The following DSCAML1 variants were observed in gnomAD, a reference collection of about 807,000 sequenced individuals.
The protein encoded by DSCAML1 is DS cell adhesion molecule like 1.
Under a neutral mutation model 200.5 loss-of-function variants are expected in DSCAML1, and 38 were observed. The ratio of observed to expected loss-of-function variants is 0.19; its 90% CI spans 0.15 to 0.25. The LOEUF (loss-of-function observed/expected upper bound fraction) is 0.25, where lower values mean the gene tolerates loss of function less well. Ranked by LOEUF, DSCAML1 falls within the 10% of genes least tolerant of loss-of-function variation. The pLI is 1.00. For synonymous variants in DSCAML1, 1,215 were observed against 1,165.0 expected, an observed-to-expected ratio of 1.04 and a Z score of -0.87; for missense variants, 2,223 against 2,858.8, an observed-to-expected ratio of 0.78 and a Z score of 5.07.
intron 14 of DSCAML1, among the ~76,000 whole-genome samples, chr11:117,473,818 T>C (rs942105915): frequency 6.6e-6 from 1 of 152,242 alleles, no homozygotes; most frequent in African/African-American, 2.4e-5. Context: ...CACTTTGTGG[T>C]TGGCAGGTTA....
chr11:117,467,193 A>ACCCCCCCCCCCCCCCCCCCCCCCCCCC (rs757481843), intron 16 of DSCAML1, among the ~76,000 whole-genome samples: 1 of 109,516 alleles, frequency 9.1e-6, no homozygotes, highest in South Asian at 2.9e-4. Context: ...GTGCACACAC[A>ACCCCCCCCCCCCCCCCCCCCCCCCCCC]CCTCCCCCCT....
chr11:117,702,784 GACATCA>G (rs1328632858), intron 3 of DSCAML1, among the ~76,000 whole-genome samples: 1 of 152,128 alleles, frequency 6.6e-6, no homozygotes, highest in African/African-American at 2.4e-5. Context: ...CAACTGTTGA[GACATCA>G]ACATCAACAG....
chr11:117,581,394 G>T (rs1160288606), intron 3 of DSCAML1, among the ~76,000 whole-genome samples: 1 of 152,168 alleles, frequency 6.6e-6, no homozygotes, highest in Middle Eastern at 3.4e-3. Flanking sequence ...TACCACCACC[G>T]CAATCAAGAT....
At chr11:117,464,770 C>G (rs1236807654) in intron 17 of DSCAML1, among the ~76,000 whole-genome samples, 172 bp downstream of exon 17, 1 of 152,214 alleles carries the variant, frequency 6.6e-6, no homozygotes, top group Non-Finnish European at 1.5e-5. Context: ...CCATACATCT[C>G]TGGAGGAGCT....
chr11:117,555,914 CA>C lies in DSCAML1; in HGVS notation c.512-23393del, dbSNP rs577282274. 8.3e-5 allele frequency among the ~76,000 whole-genome samples: 11 copies of C among 132,026 alleles called. No individual in the cohort carries two copies. In the East Asian group the frequency reaches 2.0e-3, roughly 24 times the overall value. 86.6% of individuals were successfully genotyped at this position (132,026 alleles called of 152,430 possible). A position where few individuals can be genotyped will look rare whatever the true frequency, so the allele number is the denominator to read the frequency against. On this transcript the variant is annotated intron_variant, in intron 3 of 32. Coordinates refer to ENST00000651296, the MANE Select transcript of DSCAML1 (RefSeq NM_020693.4). ...TGGAGTGAGGTTGGCAGCAGGAAGC[CA>C]GGGGGGAGCTTATTCCAAGGGTCCT...
At chr11:117,699,927 A>C (rs1265556861) in intron 3 of DSCAML1, among the ~76,000 whole-genome samples, 1 of 152,240 alleles carries the variant, frequency 6.6e-6, no homozygotes, top group Non-Finnish European at 1.5e-5. Flanking sequence ...AATGATCATC[A>C]AAACAGGGGC....
At chr11:117,555,791 G>A (rs12800503) in intron 3 of DSCAML1, among the ~76,000 whole-genome samples, 1 of 151,926 alleles carries the variant, frequency 6.6e-6, no homozygotes, top group African/African-American at 2.4e-5. Context: ...GAGGGAGAGA[G>A]GGTCATGCTG....
intron 11 of DSCAML1, among the ~76,000 whole-genome samples, chr11:117,484,907 G>A (rs1360005164): frequency 2.9e-5 from 4 of 137,200 alleles, no homozygotes; most frequent in Non-Finnish European, 6.0e-5. Context: ...GTGTGTGTGT[G>A]TGTGTGTGTG....
At chr11:117,776,673 T>C in intron 3 of DSCAML1, 118 bp downstream of exon 3, 1 of 1,225,264 alleles carries the variant, frequency 8.2e-7, no homozygotes. Flanking sequence ...AACAAGTCAC[T>C]CCCCAGAGCC....
intron 3 of DSCAML1, among the ~76,000 whole-genome samples, chr11:117,723,774 C>T (rs1369623748): frequency 1.3e-5 from 2 of 152,180 alleles, no homozygotes; most frequent in Non-Finnish European, 2.9e-5. Flanking sequence ...CCAGAGAGAT[C>T]GCTGGTGATT....
At chr11:117,556,017 CT>C (rs1476772298) in intron 3 of DSCAML1, among the ~76,000 whole-genome samples, 1 of 152,130 alleles carries the variant, frequency 6.6e-6, no homozygotes, top group Non-Finnish European at 1.5e-5. Flanking sequence ...TGCAGTTGCA[CT>C]GTCTGGGGCC....
chr11:117,638,621 A>T (rs994935516), intron 3 of DSCAML1, among the ~76,000 whole-genome samples: 4 of 152,198 alleles, frequency 2.6e-5, no homozygotes, highest in African/African-American at 9.7e-5. Context: ...TATAAAGGGA[A>T]TCATACAATA....
rs138883002 is a variant in DSCAML1 at position 117,706,623 on chromosome 11, G to A, written c.511+70168C>T. Among the ~76,000 whole-genome samples, 320 of 152,280 alleles carry A rather than the reference G, an allele frequency of 2.1e-3. 2 individuals carry two copies. The highest frequency in any genetic ancestry group is 7.5e-3 in the African/African-American group (310 of 41,552). ...CACAGCCGTGCAAATGCCGTGTGTC[G>A]CAGCCAACGCCCTCACCTGCACACA... On this transcript the variant is annotated intron_variant, in intron 3 of 32. Transcript: ENST00000651296.
At chr11:117,466,945 C>G (rs1411570864) in intron 16 of DSCAML1, among the ~76,000 whole-genome samples, 1 of 152,178 alleles carries the variant, frequency 6.6e-6, no homozygotes, top group African/African-American at 2.4e-5. Flanking sequence ...GCTGCAGTGC[C>G]CCAGACGCCA....
rs57635248 is a variant in DSCAML1, at chr11:117,640,797, A to C, written c.512-108275T>G. Among the ~76,000 whole-genome samples the C allele has an allele frequency of 6.1e-3, 923 of 152,186 alleles. 9 individuals carry two copies. The highest frequency in any genetic ancestry group is 0.019 in the African/African-American group (796 of 41,506). On this transcript the variant is annotated intron_variant, in intron 3 of 32. Coordinates refer to ENST00000651296, the MANE Select transcript of DSCAML1 (RefSeq NM_020693.4). ...TTGTTGTGCCTGAGGTTCTTTCTCC[A>C]TCCTCAGTTTCCCCTGGCACAGCGT...
chr11:117,566,558 T>C (rs983820578), intron 3 of DSCAML1, among the ~76,000 whole-genome samples: 4 of 151,698 alleles, frequency 2.6e-5, no homozygotes, highest in African/African-American at 9.7e-5. Context: ...CCTTGGTTTT[T>C]TTTTTGTTTG....
chr11:117,706,985 T>C (rs2053768609), intron 3 of DSCAML1, among the ~76,000 whole-genome samples: 2 of 152,254 alleles, frequency 1.3e-5, no homozygotes, highest in Non-Finnish European at 2.9e-5. Context: ...TGCATGCCTC[T>C]GTGCCCAGAC....
At chr11:117,727,705 G>C (rs948995548) in intron 3 of DSCAML1, among the ~76,000 whole-genome samples, 1 of 152,236 alleles carries the variant, frequency 6.6e-6, no homozygotes. Flanking sequence ...AACCACAGGA[G>C]AATACAGCTA....
intron 15 of DSCAML1, among the ~76,000 whole-genome samples, chr11:117,470,199 CAA>C (rs1240638663): frequency 1.3e-5 from 2 of 152,180 alleles, no homozygotes; most frequent in Non-Finnish European, 2.9e-5. Flanking sequence ...ATATAGCAAA[CAA>C]TGATAATAAG....
Sources: allele counts gnomAD v4.1 joint callset (sites outside exome capture counted in the v4.1 genomes callset), GRCh38; gene constraint gnomAD v4.1.1; transcripts MANE v1.5; gene names NCBI Gene and HGNC (gene_info 2026-07-23, HGNC 2026-07-21).